Variants in DISC1 observed in about 807,000 individuals in gnomAD.
DISC1 encodes the protein disrupted in schizophrenia 1 protein.
A neutral mutation model predicts 84.5 loss-of-function variants in DISC1; 57 were observed. That is an observed-to-expected ratio of 0.67 (90% CI 0.55 to 0.84). DISC1 has a LOEUF of 0.84. DISC1 is among the 40% of genes least tolerant of loss of function. The pLI is 0.00. For missense variants in DISC1, 1,000 were observed against 1,057.8 expected (o/e 0.95, Z 0.76); for synonymous variants, 411 against 415.2 (o/e 0.99, Z 0.12).
At chr1:231,842,503 C>T (rs79342748) in intron 9 of DISC1, among the ~76,000 whole-genome samples, 2,064 of 152,264 alleles carry the variant, frequency 0.014, 25 homozygotes, top group Non-Finnish European at 0.019. Context: ...ATTCATTTGC[C>T]AACTCCTATG....
intron 8 of DISC1, among the ~76,000 whole-genome samples, chr1:231,807,788 C>G (rs981275552): frequency 2.6e-5 from 4 of 152,136 alleles, no homozygotes; most frequent in Admixed American, 2.0e-4. Context: ...ACCTGAAAAT[C>G]TTGAAGCTAA....
At chr1:231,684,558 C>T (rs1311595168) in intron 1 of DISC1, among the ~76,000 whole-genome samples, 2 of 151,994 alleles carry the variant, frequency 1.3e-5, no homozygotes, top group African/African-American at 4.8e-5. Context: ...AAAAATGGAA[C>T]ATTACCCTCG....
intron 9 of DISC1, among the ~76,000 whole-genome samples, chr1:231,821,857 GC>G (rs2081525696): frequency 6.6e-6 from 1 of 151,864 alleles, no homozygotes; most frequent in Admixed American, 6.6e-5. Context: ...GGGATTATAG[GC>G]CAGCTAATTT....
intron 4 of DISC1, among the ~76,000 whole-genome samples, chr1:231,765,112 C>T (rs1475552369): frequency 6.9e-6 from 1 of 145,740 alleles, no homozygotes. Flanking sequence ...ATCGCTTGAA[C>T]CTGGGAGGCA....
intron 9 of DISC1, among the ~76,000 whole-genome samples, chr1:231,872,321 A>C (rs2085522977): frequency 6.6e-6 from 1 of 151,948 alleles, no homozygotes; most frequent in Non-Finnish European, 1.5e-5. Context: ...TTCTTTTGTA[A>C]GGTTATTTCT....
chr1:232,030,154 C>T (rs778945707), intron 12 of DISC1, among the ~76,000 whole-genome samples: 14 of 152,182 alleles, frequency 9.2e-5, no homozygotes, highest in African/African-American at 1.9e-4. Flanking sequence ...TGTGACTTCA[C>T]GGCCAGTCAA....
At chr1:231,941,692 C>T (rs77161180) in intron 9 of DISC1, among the ~76,000 whole-genome samples, 5 of 151,606 alleles carry the variant, frequency 3.3e-5, no homozygotes, top group African/African-American at 7.3e-5. Context: ...AGGATGGTCT[C>T]GATCTCTTGA....
At chr1:231,874,455 A>G (rs1342508338) in intron 9 of DISC1, among the ~76,000 whole-genome samples, 1 of 151,710 alleles carries the variant, frequency 6.6e-6, no homozygotes, top group Non-Finnish European at 1.5e-5. Flanking sequence ...CACCGCGCCC[A>G]GCCAATATTC....
intron 8 of DISC1, among the ~76,000 whole-genome samples, chr1:231,808,864 A>G (rs1225723673): frequency 2.0e-5 from 3 of 152,236 alleles, no homozygotes; most frequent in Non-Finnish European, 4.4e-5. Flanking sequence ...GTGCAAAGGC[A>G]ATATACACCA....
intron 10 of DISC1, among the ~76,000 whole-genome samples, chr1:231,985,353 A>G (rs1039760478): frequency 2.0e-5 from 3 of 150,904 alleles, no homozygotes; most frequent in South Asian, 2.1e-4. Flanking sequence ...AAAAAAAAAA[A>G]AAGAAAGAAA....
intron 8 of DISC1, among the ~76,000 whole-genome samples, chr1:231,805,816 C>T (rs987032931): frequency 6.6e-6 from 1 of 152,160 alleles, no homozygotes; most frequent in African/African-American, 2.4e-5. Flanking sequence ...AAGGAAAGTA[C>T]AGCCCTGAGC....
chr1:231,790,611 C>T (rs935147270), intron 6 of DISC1, among the ~76,000 whole-genome samples: 13 of 151,918 alleles, frequency 8.6e-5, no homozygotes, highest in Non-Finnish European at 1.8e-4. Context: ...CTCTGCCTCC[C>T]GGGTTCACGC....
intron 1 of DISC1, among the ~76,000 whole-genome samples, chr1:231,637,293 G>T (rs565129917): frequency 6.6e-6 from 1 of 152,342 alleles, no homozygotes; most frequent in East Asian, 1.9e-4. Flanking sequence ...ATAGTAGAAT[G>T]ATTTACAAGC....
chr1:231,984,427 T>C (rs1263871440), intron 10 of DISC1, among the ~76,000 whole-genome samples: 2 of 152,146 alleles, frequency 1.3e-5, no homozygotes, highest in African/African-American at 2.4e-5. Flanking sequence ...AGTTCAAAAA[T>C]ATTATTATGG....
At chr1:231,834,181 C>G (rs951482737) in intron 9 of DISC1, among the ~76,000 whole-genome samples, 1 of 151,992 alleles carries the variant, frequency 6.6e-6, no homozygotes, top group African/African-American at 2.4e-5. Context: ...AGTCATGGAA[C>G]GAAACTGTAA....
At chr1:231,955,412 C>T (rs1659272725) in intron 9 of DISC1, among the ~76,000 whole-genome samples, 1 of 151,812 alleles carries the variant, frequency 6.6e-6, no homozygotes, top group South Asian at 2.1e-4. Flanking sequence ...ACTTCTCATT[C>T]TTCCCATCTC....
intron 8 of DISC1, among the ~76,000 whole-genome samples, chr1:231,815,542 G>A (rs966925688): frequency 2.0e-5 from 3 of 152,160 alleles, no homozygotes; most frequent in Non-Finnish European, 2.9e-5. Context: ...TTTGAGAACA[G>A]TCTGGCCAAC....
At chr1:231,648,138 A>G (rs1489264608) in intron 1 of DISC1, among the ~76,000 whole-genome samples, 1 of 152,214 alleles carries the variant, frequency 6.6e-6, no homozygotes, top group Non-Finnish European at 1.5e-5. Context: ...GTCTTATGCC[A>G]GTTTTCAAAG....
chr1:231,776,325 C>T (rs1322341555), intron 6 of DISC1, among the ~76,000 whole-genome samples: 2 of 152,218 alleles, frequency 1.3e-5, no homozygotes, highest in African/African-American at 4.8e-5. Context: ...CTCAGCTCCT[C>T]GGATTTTTCA....
Sources: gnomAD v4.1 joint callset for allele counts (sites outside exome capture counted in the v4.1 genomes callset) on GRCh38, gnomAD v4.1.1 for gene constraint, MANE v1.5 for transcripts, NCBI Gene and HGNC (gene_info 2026-07-23, HGNC 2026-07-21) for gene names.